The following NHSL1 variants were observed in gnomAD, a reference collection of about 807,000 sequenced individuals.
NHSL1 encodes NHS like 1, also known as NHS-like protein 1.
A neutral mutation model predicts 95.0 loss-of-function variants in NHSL1; 48 were observed. The ratio of observed to expected loss-of-function variants is 0.51; its 90% CI spans 0.40 to 0.64. NHSL1 has a LOEUF of 0.64. Among genes scored for constraint, NHSL1 ranks in the 30% least tolerant of loss-of-function variants. NHSL1 has a pLI of 0.00. For synonymous variants in NHSL1, 783 were observed against 833.9 expected, an observed-to-expected ratio of 0.94 and a Z score of 1.05; for missense variants, 1,971 against 2,077.7, an observed-to-expected ratio of 0.95 and a Z score of 1.00.
chr6:138,481,759 C>T (rs1419610522), intron 2 of NHSL1, among the ~76,000 whole-genome samples: 2 of 152,080 alleles, frequency 1.3e-5, no homozygotes, highest in Non-Finnish European at 2.9e-5. Flanking sequence ...TGTAGCTATA[C>T]AGGAATATGT....
chr6:138,447,392 C>T (rs1776931821), intron 3 of NHSL1, among the ~76,000 whole-genome samples, 199 bp from the exon 4 acceptor site: 1 of 152,194 alleles, frequency 6.6e-6, no homozygotes, highest in African/African-American at 2.4e-5. Flanking sequence ...CAGCCTTAGT[C>T]TGTAAACTGT....
intron 3 of NHSL1, among the ~76,000 whole-genome samples, chr6:138,471,272 T>G (rs1778732983): frequency 6.6e-6 from 1 of 152,196 alleles, no homozygotes; most frequent in African/African-American, 2.4e-5. Context: ...AATTTGCTAG[T>G]GGTCTCTACA....
chr6:138,424,467 A>G lies in NHSL1; in HGVS notation c.4435T>C (p.Trp1479Arg). 1 of 1,550,228 alleles carries G rather than the reference A, an allele frequency of 6.5e-7. No homozygotes were observed. Among genetic ancestry groups the G allele is most frequent in the Non-Finnish European group, 8.7e-7 (1 of 1,146,500 alleles). The change falls in exon 8 of 8, where the codon TGG becomes CGG. Residue 1479 changes from tryptophan (W) to arginine (R), a missense_variant. Physicochemically the swap from Trp to Arg is moderately radical, Grantham distance 101. This residue lies in a region of NHSL1 where 223 missense variants were observed against 217.0 expected (regional missense o/e 1.03). Transcript: ENST00000343505. The surrounding 1 kb of genome is among the most constrained non-coding windows in gnomAD (Gnocchi z 5.9). ...GGCATCAAGCCTTCGTTCTTGGCCC[A>G]CTCCTCCTGCGCCCTTCTGTTCTTG... ...PSKNRRAQEE[W>R]AKNEGLMPRS... is the part of the protein sequence containing the mutation.
intron 1 of NHSL1, among the ~76,000 whole-genome samples, chr6:138,527,124 C>G (rs372124992): frequency 6.6e-6 from 1 of 152,280 alleles, no homozygotes; most frequent in South Asian, 2.1e-4. Flanking sequence ...TCCGAGCCGT[C>G]GCTCTTCAGT....
upstream of NHSL1, among the ~76,000 whole-genome samples, chr6:138,576,214 A>G (rs147458654): frequency 5.3e-5 from 8 of 151,408 alleles, no homozygotes; most frequent in Non-Finnish European, 1.0e-4. Flanking sequence ...CTGATCTCAA[A>G]CTCCTGATGT....
chr6:138,543,776 G>T (rs1169693664), intron 1 of NHSL1, among the ~76,000 whole-genome samples: 4 of 152,142 alleles, frequency 2.6e-5, no homozygotes, highest in African/African-American at 4.8e-5. Context: ...TAGGGCAAAG[G>T]ACAACTTAAA....
intron 1 of NHSL1, among the ~76,000 whole-genome samples, chr6:138,616,516 G>A (rs551683190): frequency 3.9e-5 from 6 of 151,904 alleles, no homozygotes; most frequent in Non-Finnish European, 7.4e-5. Flanking sequence ...AGGGAACAAG[G>A]GGGCAGGCAG....
At chr6:138,470,684 C>A (rs367844644) in intron 3 of NHSL1, 2 of 152,174 alleles carry the variant, frequency 1.3e-5, no homozygotes, top group African/African-American at 2.4e-5. Flanking sequence ...TTGTAAGAGA[C>A]CAAATATAGG....
chr6:138,455,741 C>T (rs1444377331), intron 3 of NHSL1, among the ~76,000 whole-genome samples: 4 of 113,006 alleles, frequency 3.5e-5, no homozygotes, highest in Non-Finnish European at 7.6e-5. Flanking sequence ...ACGTGTACCC[C>T]GATGAACAAG....
At chr6:138,563,865 G>A (rs557493922) in intron 1 of NHSL1, among the ~76,000 whole-genome samples, 1 of 152,298 alleles carries the variant, frequency 6.6e-6, no homozygotes, top group South Asian at 2.1e-4. Context: ...AGGTTTAACA[G>A]GATCACTGAG....
chr6:138,449,303 A>G (rs1777077218), intron 3 of NHSL1, among the ~76,000 whole-genome samples: 1 of 152,200 alleles, frequency 6.6e-6, no homozygotes, highest in Non-Finnish European at 1.5e-5. Flanking sequence ...GGGGCTATAC[A>G]GCCTACCTTT....
upstream of NHSL1, among the ~76,000 whole-genome samples, chr6:138,548,512 A>G (rs1782889487): frequency 6.6e-6 from 1 of 152,168 alleles, no homozygotes. Context: ...ATCAGCTATC[A>G]TTACGGTTGG....
intron 1 of NHSL1, among the ~76,000 whole-genome samples, chr6:138,614,540 T>C (rs1250233976): frequency 1.3e-5 from 2 of 152,232 alleles, no homozygotes; most frequent in African/African-American, 2.4e-5. Flanking sequence ...CTAAGTAAGT[T>C]ACCCACTGAA....
exon 1 of NHSL1, chr6:138,571,759 C>T (rs770854727): frequency 6.4e-7 from 1 of 1,552,306 alleles, no homozygotes. Flanking sequence ...CCACTTCCAC[C>T]TGCTGCCCAC....
chr6:138,588,903 AC>A (rs1469866875), intron 1 of NHSL1, among the ~76,000 whole-genome samples: 1 of 152,166 alleles, frequency 6.6e-6, no homozygotes, highest in Non-Finnish European at 1.5e-5. Context: ...TCATCCACAC[AC>A]CCCACTGAAA....
At chr6:138,670,537 G>A (rs1371572084) in intron 1 of NHSL1, among the ~76,000 whole-genome samples, 2 of 149,324 alleles carry the variant, frequency 1.3e-5, no homozygotes, top group Non-Finnish European at 3.0e-5. Context: ...GTAGTGGCGG[G>A]CGCCTGTAGT....
At chr6:138,531,416 T>C (rs1324253075) in intron 1 of NHSL1, among the ~76,000 whole-genome samples, 3 of 152,180 alleles carry the variant, frequency 2.0e-5, no homozygotes, top group Non-Finnish European at 4.4e-5. Context: ...GAACAGTTAG[T>C]TTGTAACTTT....
At chr6:138,637,234 T>C (rs1421973919) in intron 1 of NHSL1, among the ~76,000 whole-genome samples, 1 of 152,098 alleles carries the variant, frequency 6.6e-6, no homozygotes, top group South Asian at 2.1e-4. Flanking sequence ...TCTCACCACA[T>C]ACAAAAATCA....
At chr6:138,607,466 T>A (rs1443767787) in intron 1 of NHSL1, among the ~76,000 whole-genome samples, 2 of 152,254 alleles carry the variant, frequency 1.3e-5, no homozygotes, top group Non-Finnish European at 1.5e-5. Context: ...ATTATAGCAA[T>A]GTAATTTTCA....
Sources: gnomAD v4.1 joint callset for allele counts (sites outside exome capture counted in the v4.1 genomes callset) on GRCh38, gnomAD v4.1.1 for gene constraint, gnomAD v4.1.1 regional missense constraint, Gnocchi (gnomAD v3.1) non-coding constraint, MANE v1.5 for transcripts, NCBI Gene and HGNC (gene_info 2026-07-23, HGNC 2026-07-21) for gene names.